Variants in SUSD3 observed in about 807,000 individuals in gnomAD.
SUSD3 encodes sushi domain containing 3, also known as sushi domain-containing protein 3.
A neutral mutation model predicts 20.6 loss-of-function variants in SUSD3; 18 were observed. The observed-to-expected ratio is 0.87, with a 90% CI of 0.60 to 1.30. SUSD3 has a LOEUF of 1.30. Among genes scored for constraint, SUSD3 ranks in the 50% most tolerant of loss-of-function variants. The pLI is 0.00. For missense variants in SUSD3, 306 were observed against 346.9 expected (o/e 0.88, Z 0.94); for synonymous variants, 137 against 141.5 (o/e 0.97, Z 0.23).
chr9:93,076,164 A>G (rs991160618), intron 2 of SUSD3, among the ~76,000 whole-genome samples, 192 bp downstream of exon 2: 2 of 152,200 alleles, frequency 1.3e-5, no homozygotes, highest in Admixed American at 6.5e-5. Context: ...CAGCCCTCCC[A>G]GTGCCATGTT....
At chr9:93,062,394 G>C (rs1265611529) in intron 1 of SUSD3, among the ~76,000 whole-genome samples, 2 of 152,216 alleles carry the variant, frequency 1.3e-5, no homozygotes, top group African/African-American at 2.4e-5. Flanking sequence ...AGGGTGCCAG[G>C]TAAGAAATGC....
At chr9:93,059,495 C>T (rs1421709380) in intron 1 of SUSD3, among the ~76,000 whole-genome samples, 1 of 152,148 alleles carries the variant, frequency 6.6e-6, no homozygotes, top group Non-Finnish European at 1.5e-5. Flanking sequence ...GCCCAAGGCT[C>T]CGGGGTTCGA....
At chr9:93,064,036 G>C (rs1825608887) in intron 1 of SUSD3, among the ~76,000 whole-genome samples, 1 of 152,140 alleles carries the variant, frequency 6.6e-6, no homozygotes, top group Non-Finnish European at 1.5e-5. Flanking sequence ...CCCTTTCTTT[G>C]GTTGTGGGTG....
chr9:93,076,043 T>TGTGGGTGGGGATGGC, intron 2 of SUSD3, 71 bp downstream of exon 2: 5 of 1,383,980 alleles, frequency 3.6e-6, no homozygotes, highest in Non-Finnish European at 5.0e-6. Flanking sequence ...ATGGGGATGG[T>TGTGGGTGGGGATGGC]GTGGGTGGGG....
At chr9:93,077,167 G>A (rs1450502295) in intron 2 of SUSD3, among the ~76,000 whole-genome samples, 1 of 152,192 alleles carries the variant, frequency 6.6e-6, no homozygotes, top group Non-Finnish European at 1.5e-5. Context: ...AGTAGAATCT[G>A]ATGGAACTAG....
intron 1 of SUSD3, among the ~76,000 whole-genome samples, chr9:93,065,457 A>G (rs930832939): frequency 2.6e-5 from 4 of 152,218 alleles, no homozygotes; most frequent in East Asian, 1.9e-4. Context: ...CCATCCGCCA[A>G]CGGCTACTCC....
intron 1 of SUSD3, among the ~76,000 whole-genome samples, chr9:93,066,385 C>T (rs1288415169): frequency 6.6e-6 from 1 of 152,122 alleles, no homozygotes; most frequent in African/African-American, 2.4e-5. Context: ...AGGCGCACGC[C>T]ACCACGCCCA....
chr9:93,071,940 C>T (rs1269895208), intron 1 of SUSD3, among the ~76,000 whole-genome samples: 3 of 152,088 alleles, frequency 2.0e-5, no homozygotes, highest in Non-Finnish European at 2.9e-5. Flanking sequence ...GTGGGGCTCC[C>T]GAAACAGTGT....
In SUSD3 at chr9:93,084,580, A is replaced by G. The variant is rs780458054; in HGVS notation, c.601A>G (p.Ser201Gly). The change falls in exon 5 of 5, where the codon AGC becomes GGC. Residue 201 changes from serine to glycine, a missense_variant. Transcript: ENST00000375472. ...CAGCAAGCTGGCCAGTGTGACCCGC[A>G]GCGTGGACAAGGACCCTGGGATCCC... ...STSKLASVTRSVDKDPGIPRA... is the reference protein window; with the variant it reads ...STSKLASVTRGVDKDPGIPRA... 3 of 1,603,064 alleles carry G rather than the reference A, an allele frequency of 1.9e-6. No homozygotes were observed. Among genetic ancestry groups the G allele is most frequent in the Non-Finnish European group, 2.6e-6 (3 of 1,174,878 alleles).
chr9:93,075,683 C>G, intron 1 of SUSD3, 101 bp from the exon 2 acceptor site: 1 of 848,104 alleles, frequency 1.2e-6, no homozygotes, highest in Non-Finnish European at 1.8e-6. Context: ...CCTGTGCTCC[C>G]CAATGCTGTG....
chr9:93,083,498 G>A (rs1482907189), intron 4 of SUSD3, among the ~76,000 whole-genome samples: 1 of 152,222 alleles, frequency 6.6e-6, no homozygotes, highest in East Asian at 1.9e-4. Flanking sequence ...TATTTCATAA[G>A]TACTTCTCAG....
At chr9:93,083,112 G>A (rs1329417615) in intron 4 of SUSD3, among the ~76,000 whole-genome samples, 3 of 152,246 alleles carry the variant, frequency 2.0e-5, no homozygotes, top group East Asian at 1.9e-4. Context: ...TGACAGGGCC[G>A]TGAGAGGCTG....
At chr9:93,076,139 C>T (rs551064464) in intron 2 of SUSD3, among the ~76,000 whole-genome samples, 167 bp downstream of exon 2, 2 of 152,184 alleles carry the variant, frequency 1.3e-5, no homozygotes, top group African/African-American at 2.4e-5. Flanking sequence ...ATGTCAGCAG[C>T]CGGCTGTAGG....
chr9:93,058,964 C>T, intron 1 of SUSD3, 134 bp downstream of exon 1: 1 of 476,372 alleles, frequency 2.1e-6, no homozygotes, highest in Non-Finnish European at 3.4e-6. Flanking sequence ...CGAGGACGAA[C>T]CTCCTCGACC....
At position 93,083,867 on chromosome 9, in the gene SUSD3, A is replaced by G. The variant is rs535248685; in HGVS notation, c.558-670A>G. Among the ~76,000 whole-genome samples the G allele has an allele frequency of 3.9e-5, 6 of 152,150 alleles. No homozygotes were observed. In the South Asian group the frequency reaches 1.2e-3, roughly 32 times the overall value. On this transcript the variant is annotated intron_variant, in intron 4 of 4. Transcript: ENST00000375472. ...ATGCCGGAAGTGAAAGGACTAAGAG[A>G]GCCTGCTTTGGGAGGGGAGAGAGAC...
At position 93,084,900 on chromosome 9, in the gene SUSD3, C is replaced by T. The variant is rs547916460; in HGVS notation, c.*153C>T. The T allele has an allele frequency of 6.1e-4, 396 of 650,114 alleles. No individual in the cohort carries two copies. Among genetic ancestry groups the T allele is most frequent in the Middle Eastern group, 1.3e-3 (3 of 2,342 alleles). The allele number at this position is 650,114 out of a possible 1,614,324, so 40.3% of individuals were successfully genotyped here. A position where few individuals can be genotyped will look rare whatever the true frequency, so the allele number is the denominator to read the frequency against. On this transcript the variant is annotated 3_prime_UTR_variant, in exon 5 of 5. Coordinates refer to ENST00000375472, the MANE Select transcript of SUSD3 (RefSeq NM_145006.4). ...CAGGTGTAGGGACCCCTTGAGGGGC[C>T]GAGCTGACATCCAAGGCTGAGGACC... is the stretch of plus-strand genomic sequence containing the variant.
At chr9:93,060,113 C>T (rs964943296) in intron 1 of SUSD3, among the ~76,000 whole-genome samples, 3 of 152,196 alleles carry the variant, frequency 2.0e-5, no homozygotes, top group African/African-American at 7.2e-5. Flanking sequence ...GAGGCTCTGG[C>T]ATATTTGCAT....
At chr9:93,078,944 C>T (rs868573220) in intron 3 of SUSD3, among the ~76,000 whole-genome samples, 2 of 151,962 alleles carry the variant, frequency 1.3e-5, no homozygotes, top group African/African-American at 2.4e-5. Context: ...GGACTACAAG[C>T]GCCCGCCACC....
At chr9:93,068,472 T>A (rs1318708829) in intron 1 of SUSD3, among the ~76,000 whole-genome samples, 3 of 152,232 alleles carry the variant, frequency 2.0e-5, no homozygotes, top group Non-Finnish European at 1.5e-5. Flanking sequence ...GAAAATCATT[T>A]GACTATAAAT....
Sources: allele counts gnomAD v4.1 joint callset (sites outside exome capture counted in the v4.1 genomes callset), GRCh38; gene constraint gnomAD v4.1.1; transcripts MANE v1.5; gene names NCBI Gene and HGNC (gene_info 2026-07-23, HGNC 2026-07-21).